Variants in TAF4B observed in about 807,000 individuals in gnomAD.
TAF4B encodes TATA-box binding protein associated factor 4b.
In TAF4B, 38 loss-of-function variants were observed where a neutral mutation model predicts 86.4. That is an observed-to-expected ratio of 0.44 (90% CI 0.34 to 0.58). The LOEUF is 0.58. Ranked by LOEUF, TAF4B falls within the 20% of genes least tolerant of loss-of-function variation. The pLI, the probability that TAF4B is intolerant of heterozygous loss-of-function variation, is 0.02. For synonymous variants in TAF4B, 388 were observed against 391.2 expected (o/e 0.99, Z 0.10); for missense variants, 988 against 1,027.6 (o/e 0.96, Z 0.53).
At chr18:26,264,026 AGTTTATTTGGGCCGAG>A (rs1435215315) in intron 1 of TAF4B, among the ~76,000 whole-genome samples, 1 of 152,208 alleles carries the variant, frequency 6.6e-6, no homozygotes, top group Non-Finnish European at 1.5e-5. Flanking sequence ...TAATATAGAG[AGTTTATTTGGGCCGAG>A]GTTGAGTACA....
intron 10 of TAF4B, among the ~76,000 whole-genome samples, chr18:26,317,940 A>G (rs1361306144): frequency 6.6e-6 from 1 of 152,212 alleles, no homozygotes; most frequent in Non-Finnish European, 1.5e-5. Context: ...TTCACTTACA[A>G]AGAGTGATCA....
At chr18:26,299,112 C>T (rs1449446958) in intron 9 of TAF4B, among the ~76,000 whole-genome samples, 2 of 151,844 alleles carry the variant, frequency 1.3e-5, no homozygotes, top group Non-Finnish European at 2.9e-5. Context: ...CTGCCTGCCT[C>T]GGCCTCCCAA....
rs1598825631 is a variant in TAF4B at position 26,357,549 on chromosome 18, T to G, written c.2317-141T>G. On this transcript the variant is annotated intron_variant, in intron 13 of 14. Coordinates refer to ENST00000269142, the MANE Select transcript of TAF4B (RefSeq NM_005640.3). The stretch of plus-strand genomic sequence containing the variant: ...TGTAAAAGAATCAGAAAATGTGCCC[T>G]TGGCTGTTATGGGAATCTAATGTTT... The G allele has an allele frequency of 7.6e-6, 4 of 526,118 alleles. No individual in the cohort carries two copies. The South Asian group carries it at 1.5e-4, about 19-fold the overall frequency. 32.6% of individuals were successfully genotyped at this position (526,118 alleles called of 1,614,324 possible). A position where few individuals can be genotyped will look rare whatever the true frequency, so the allele number is the denominator to read the frequency against.
At chr18:26,258,783 A>G (rs926604949) in intron 1 of TAF4B, among the ~76,000 whole-genome samples, 11 of 151,960 alleles carry the variant, frequency 7.2e-5, no homozygotes, top group Admixed American at 2.0e-4. Context: ...GCAACCTTGA[A>G]TTCTTGGGCT....
intron 12 of TAF4B, among the ~76,000 whole-genome samples, chr18:26,328,195 A>G (rs796345674): frequency 2.6e-5 from 4 of 152,322 alleles, no homozygotes; most frequent in African/African-American, 9.6e-5. Context: ...TCATGCCTGT[A>G]ATCCCAGCAC....
At chr18:26,254,068 G>A (rs1193165320) in intron 1 of TAF4B, among the ~76,000 whole-genome samples, 2 of 151,984 alleles carry the variant, frequency 1.3e-5, no homozygotes, top group East Asian at 3.9e-4. Flanking sequence ...TGGGACTACA[G>A]GCATGTGCCA....
chr18:26,286,635 T>TTA (rs1053195667), intron 7 of TAF4B, 136 bp downstream of exon 7: 19 of 657,028 alleles, frequency 2.9e-5, no homozygotes, highest in African/African-American at 2.7e-4. Context: ...TTTTTTTTTT[T>TTA]ACCTCATTTG....
chr18:26,288,605 A>T (rs2056555333), intron 7 of TAF4B, among the ~76,000 whole-genome samples: 1 of 152,230 alleles, frequency 6.6e-6, no homozygotes, highest in Admixed American at 6.5e-5. Context: ...ACAGCACTAC[A>T]GCCTGGGTGA....
At chr18:26,267,772 G>C (rs1243362729) in intron 3 of TAF4B, 149 bp downstream of exon 3, 2 of 600,190 alleles carry the variant, frequency 3.3e-6, no homozygotes, top group East Asian at 5.5e-5. Context: ...ACTGGGAACT[G>C]TTGGAGGTAT....
chr18:26,338,601 C>T (rs2057112212), intron 13 of TAF4B, among the ~76,000 whole-genome samples: 1 of 150,722 alleles, frequency 6.6e-6, no homozygotes, highest in African/African-American at 2.4e-5. Flanking sequence ...GCCTCAGCCT[C>T]CTGAGTAGCT....
At position 26,292,379 on chromosome 18, in the gene TAF4B, C is replaced by T. The variant is rs774696483; in HGVS notation, c.1724C>T (p.Pro575Leu). Reference protein sequence around the residue: ...NTIIPTSQFPPASILKQITLP... With the variant: ...NTIIPTSQFPLASILKQITLP... ...ATAATACCTACTAGTCAGTTTCCTC[C>T]AGGTAGATGCTGGTCCATCTCAGTC... Residue 575 changes from proline to leucine, a missense_variant and splice_region_variant, in exon 8 of 15, where the codon CCA (proline) becomes CTA (leucine). Pro to Leu is a moderately conservative substitution (Grantham distance 98). Transcript: ENST00000269142. 1.4e-5 allele frequency: 22 copies of T among 1,611,124 alleles called. 1 individual carries two copies. The highest frequency in any genetic ancestry group is 1.0e-4 in the South Asian group (9 of 90,396).
chr18:26,348,664 A>C (rs1033420422), intron 13 of TAF4B: 2 of 153,114 alleles, frequency 1.3e-5, no homozygotes, highest in Non-Finnish European at 2.9e-5. Flanking sequence ...AAGCATTACT[A>C]AATATCAGGT....
chr18:26,284,368 A>G (rs1262926092), intron 6 of TAF4B, among the ~76,000 whole-genome samples: 2 of 152,186 alleles, frequency 1.3e-5, no homozygotes, highest in African/African-American at 4.8e-5. Flanking sequence ...TCGTTTTCTT[A>G]TCATTTATGT....
chr18:26,295,606 G>T (rs1461181761), intron 9 of TAF4B, among the ~76,000 whole-genome samples: 1 of 152,196 alleles, frequency 6.6e-6, no homozygotes, highest in African/African-American at 2.4e-5. Context: ...TGCAGTCCAG[G>T]TTCTAACAGG....
intron 1 of TAF4B, among the ~76,000 whole-genome samples, chr18:26,241,353 T>C (rs916277330): frequency 1.3e-5 from 2 of 152,134 alleles, no homozygotes; most frequent in South Asian, 2.1e-4. Context: ...TTCTTCTAGA[T>C]TTTTTAGTTT....
At chr18:26,354,327 A>G (rs1168779602) in intron 13 of TAF4B, among the ~76,000 whole-genome samples, 3 of 152,052 alleles carry the variant, frequency 2.0e-5, no homozygotes, top group Non-Finnish European at 2.9e-5. Context: ...CCCACCTTGA[A>G]CTCTCAAAAT....
chr18:26,278,996 A>G (rs1391787060), intron 5 of TAF4B, among the ~76,000 whole-genome samples: 3 of 151,460 alleles, frequency 2.0e-5, no homozygotes, highest in Admixed American at 1.3e-4. Flanking sequence ...CACCATTCCT[A>G]TTTAACATAA....
At chr18:26,333,404 A>G (rs1397897813) in intron 12 of TAF4B, among the ~76,000 whole-genome samples, 3 of 151,782 alleles carry the variant, frequency 2.0e-5, no homozygotes, top group Non-Finnish European at 4.4e-5. Flanking sequence ...TTTTATTTTG[A>G]AACAGGGTCT....
At chr18:26,379,176 G>C (rs2057461856) in intron 14 of TAF4B, among the ~76,000 whole-genome samples, 1 of 152,000 alleles carries the variant, frequency 6.6e-6, no homozygotes, top group South Asian at 2.1e-4. Flanking sequence ...TTTTCATAGT[G>C]GTGACTTTTG....
Sources: allele counts gnomAD v4.1 joint callset (sites outside exome capture counted in the v4.1 genomes callset), GRCh38; gene constraint gnomAD v4.1.1; transcripts MANE v1.5; gene names NCBI Gene and HGNC (gene_info 2026-07-23, HGNC 2026-07-21).